The following PSMB3 variants were observed in gnomAD, a reference collection of about 807,000 sequenced individuals.
The protein encoded by PSMB3 is proteasome subunit beta type-3.
Under a neutral mutation model 23.3 loss-of-function variants are expected in PSMB3, and 5 were observed. The observed-to-expected ratio is 0.21, with a 90% CI of 0.11 to 0.45. The LOEUF is 0.45. Among genes scored for constraint, PSMB3 ranks in the 20% least tolerant of loss-of-function variants. The pLI is 0.99. For synonymous variants in PSMB3, 85 were observed against 99.8 expected (o/e 0.85, Z 0.88); for missense variants, 192 against 277.9 (o/e 0.69, Z 2.20).
rs769998948 is a variant in PSMB3 at position 38,752,798 on chromosome 17, C to T, written c.-29C>T. 2.2e-5 allele frequency: 35 copies of T among 1,613,798 alleles called. No homozygotes were observed. The highest frequency in any genetic ancestry group is 2.6e-5 in the Non-Finnish European group (31 of 1,179,874). On this transcript the variant is annotated 5_prime_UTR_variant, in exon 1 of 6. Coordinates refer to ENST00000619426, the MANE Select transcript of PSMB3 (RefSeq NM_002795.4). The surrounding 1 kb of genome is among the most constrained non-coding windows in gnomAD (Gnocchi z 5.5). ...ACCCGGTTTACTGGAATTGCTCTGGCGATCGAGGGATCCTAGTACACCGCA... is the reference window on the plus strand; with the variant it reads ...ACCCGGTTTACTGGAATTGCTCTGGTGATCGAGGGATCCTAGTACACCGCA...
At chr17:38,763,982 C>G in intron 5 of PSMB3, 137 bp from the exon 6 acceptor site, 3 of 877,848 alleles carry the variant, frequency 3.4e-6, no homozygotes, top group Non-Finnish European at 5.5e-6. Flanking sequence ...ATAGTTACAC[C>G]TAGAGGCAGC....
At position 38,755,989 on chromosome 17, in the gene PSMB3, C is replaced by T; in HGVS notation, c.295C>T (p.Arg99Trp). Residue 99 changes from arginine to tryptophan, a missense_variant and splice_region_variant, in exon 3 of 6, where the codon CGG becomes TGG. By Grantham distance (101) the Arg-to-Trp change is moderately radical. Coordinates refer to ENST00000619426, the MANE Select transcript of PSMB3 (RefSeq NM_002795.4). ...SMVANLLYEK[R>W]FGPYYTEPVI... ...GGTGGCCAACCTCTTGTATGAGAAA[C>T]GGTGAGTGCAAGTGTAGCTAGCACT... is the stretch of plus-strand genomic sequence containing the variant. The T allele has an allele frequency of 1.2e-6, 2 of 1,608,184 alleles. No individual in the cohort carries two copies. The highest frequency in any genetic ancestry group is 1.7e-6 in the Non-Finnish European group (2 of 1,174,620).
At chr17:38,757,219 G>A (rs1908240553) in intron 3 of PSMB3, among the ~76,000 whole-genome samples, 1 of 150,918 alleles carries the variant, frequency 6.6e-6, no homozygotes, top group African/African-American at 2.4e-5. Context: ...CTCATATTTG[G>A]ATGTATATTA....
intron 1 of PSMB3, 69 bp from the exon 2 acceptor site, chr17:38,753,080 CA>C: frequency 6.8e-7 from 1 of 1,472,066 alleles, no homozygotes; most frequent in Non-Finnish European, 9.1e-7. Flanking sequence ...GCCTCCGCAT[CA>C]GGAGCTGGGC....
intron 4 of PSMB3, 98 bp downstream of exon 4, chr17:38,760,706 T>C: frequency 1.5e-6 from 2 of 1,375,394 alleles, no homozygotes; most frequent in South Asian, 2.7e-5. Context: ...GGGAGAATGG[T>C]GCAGGTGGGA....
At chr17:38,760,116 A>G (rs1908371307) in intron 3 of PSMB3, among the ~76,000 whole-genome samples, 1 of 152,232 alleles carries the variant, frequency 6.6e-6, no homozygotes, top group Non-Finnish European at 1.5e-5. Context: ...GGACTGAGTG[A>G]TGGTAGGACC....
intron 2 of PSMB3, chr17:38,755,427 C>G (rs768942023): frequency 2.0e-5 from 3 of 151,948 alleles, no homozygotes; most frequent in African/African-American, 7.3e-5. Flanking sequence ...GGGCAGATCA[C>G]GAAGTCAGGA....
Position 38,752,918 on chromosome 17 carries a change from G to T in PSMB3, c.3+89G>T. On this transcript the variant is annotated intron_variant, in intron 1 of 5. Coordinates refer to ENST00000619426, the MANE Select transcript of PSMB3 (RefSeq NM_002795.4). The surrounding 1 kb of genome is among the most constrained non-coding windows in gnomAD (Gnocchi z 5.5). ...AGGCTTGGGGACGAAAAGGGCCTAG[G>T]GTCGATGGAAGGAAGCGGTTTCAGT... is the stretch of plus-strand genomic sequence containing the variant. 6.4e-7 allele frequency: 1 copy of T among 1,563,832 alleles called. No homozygotes were observed. The highest frequency in any genetic ancestry group is 8.7e-7 in the Non-Finnish European group (1 of 1,144,986).
chr17:38,756,015 G>A (rs1908184089), intron 3 of PSMB3, 25 bp downstream of exon 3: 1 of 1,535,000 alleles, frequency 6.5e-7, no homozygotes. Context: ...AGCTAGCACT[G>A]AGGGAATGCA....
At chr17:38,753,479 CTTTCT>C (rs1173134115) in intron 2 of PSMB3, 145 bp downstream of exon 2, 7 of 828,644 alleles carry the variant, frequency 8.4e-6, no homozygotes, top group South Asian at 1.9e-5. Flanking sequence ...ATGTCCTTCC[CTTTCT>C]TTTTTTTTTT....
At chr17:38,755,646 T>A (rs1363968331) in intron 2 of PSMB3, among the ~76,000 whole-genome samples, 3 of 66,446 alleles carry the variant, frequency 4.5e-5, no homozygotes, top group Non-Finnish European at 8.2e-5. Context: ...AGACTCCGTC[T>A]AAAAAAAAAA....
chr17:38,759,701 T>G (rs1159547476), intron 3 of PSMB3, among the ~76,000 whole-genome samples: 1 of 152,086 alleles, frequency 6.6e-6, no homozygotes, highest in African/African-American at 2.4e-5. Context: ...CCCGCCACCA[T>G]GCCCAGCTAA....
intron 2 of PSMB3, 25 bp from the exon 3 acceptor site, chr17:38,755,858 C>T (rs1277381092): frequency 7.6e-7 from 1 of 1,317,942 alleles, no homozygotes; most frequent in Non-Finnish European, 1.0e-6. Flanking sequence ...TAATGACTTA[C>T]TAACTCACTT....
At chr17:38,756,544 G>A (rs1368071050) in intron 3 of PSMB3, among the ~76,000 whole-genome samples, 1 of 151,916 alleles carries the variant, frequency 6.6e-6, no homozygotes, top group Non-Finnish European at 1.5e-5. Flanking sequence ...CACCCAGGCT[G>A]GAGTGCAGTG....
rs775244775 is a variant in PSMB3 at position 38,753,160 on chromosome 17, C to T, written c.14C>T (p.Ser5Phe). ...CTCTGTCTGTCCTAGTCTATTATGTCCTATAACGGAGGGGCCGTCATGGCC... is the reference window on the plus strand; with the variant it reads ...CTCTGTCTGTCCTAGTCTATTATGTTCTATAACGGAGGGGCCGTCATGGCC... Reference protein sequence around the residue: MSIMSYNGGAVMAMK... With the variant: MSIMFYNGGAVMAMK... Residue 5 changes from serine to phenylalanine, a missense_variant, in exon 2 of 6, where the codon TCC becomes TTC. By Grantham distance (155) the Ser-to-Phe change is radical (BLOSUM62 -2). Coordinates refer to ENST00000619426, the MANE Select transcript of PSMB3 (RefSeq NM_002795.4). The T allele has an allele frequency of 1.2e-6, 2 of 1,613,882 alleles. No individual in the cohort carries two copies. Among genetic ancestry groups the T allele is most frequent in the Non-Finnish European group, 1.7e-6 (2 of 1,179,944 alleles).
intron 5 of PSMB3, among the ~76,000 whole-genome samples, chr17:38,763,794 G>T (rs1467825138): frequency 6.6e-6 from 1 of 152,090 alleles, no homozygotes; most frequent in Non-Finnish European, 1.5e-5. Flanking sequence ...GAGCCACCGC[G>T]CCCGGCCAAG....
In PSMB3 at chr17:38,753,000, A is replaced by T; in HGVS notation, c.4-150A>T. ...AGGGTGAGTGCGGCTCATTGCCGCC[A>T]CACAGTGCTCATCCCAGCTGGAGAA... On this transcript the variant is annotated intron_variant, in intron 1 of 5. Coordinates refer to ENST00000619426, the MANE Select transcript of PSMB3 (RefSeq NM_002795.4). The surrounding 1 kb of genome is among the most constrained non-coding windows in gnomAD (Gnocchi z 5.5). The T allele has an allele frequency of 8.1e-7, 1 of 1,238,932 alleles. No individual in the cohort carries two copies. The highest frequency in any genetic ancestry group is 1.1e-6 in the Non-Finnish European group (1 of 892,322). The allele number at this position is 1,238,932 out of a possible 1,614,324, so 76.7% of individuals were successfully genotyped here.
intron 4 of PSMB3, among the ~76,000 whole-genome samples, chr17:38,761,889 A>G (rs1464372704): frequency 6.6e-6 from 1 of 152,200 alleles, no homozygotes. Context: ...GGCAGCTGTC[A>G]AGGGGACTTA....
intron 2 of PSMB3, among the ~76,000 whole-genome samples, chr17:38,755,676 A>ATGTGTG (rs1377200061): frequency 0.12 from 12,739 of 106,718 alleles, 974 homozygotes; most frequent in Non-Finnish European, 0.16. Context: ...ATATATATAT[A>ATGTGTG]TATATATGTG....
Sources: allele counts gnomAD v4.1 joint callset (sites outside exome capture counted in the v4.1 genomes callset), GRCh38; gene constraint gnomAD v4.1.1; non-coding constraint Gnocchi (gnomAD v3.1); transcripts MANE v1.5; gene names NCBI Gene and HGNC (gene_info 2026-07-23, HGNC 2026-07-21).